Variants in TANC2 observed in about 807,000 individuals in gnomAD.
The protein encoded by TANC2 is protein TANC2.
Under a neutral mutation model 210.5 loss-of-function variants are expected in TANC2, and 26 were observed. The ratio of observed to expected loss-of-function variants is 0.12; its 90% CI spans 0.09 to 0.17. The LOEUF (loss-of-function observed/expected upper bound fraction) is 0.17, where lower values mean the gene tolerates loss of function less well. Ranked by LOEUF, TANC2 falls within the 10% of genes least tolerant of loss-of-function variation. TANC2 has a pLI of 1.00. For synonymous variants in TANC2, 931 were observed against 967.1 expected (o/e 0.96, Z 0.69); for missense variants, 2,129 against 2,608.9 (o/e 0.82, Z 4.01).
chr17:63,290,711 C>G (rs1427349128), intron 9 of TANC2, among the ~76,000 whole-genome samples: 2 of 152,016 alleles, frequency 1.3e-5, no homozygotes, highest in Non-Finnish European at 2.9e-5. Flanking sequence ...GAGGGTTAAT[C>G]TAGTGCCGCT....
chr17:63,421,328 C>T lies in TANC2; in HGVS notation c.5598C>T (p.Phe1866=). Residue 1866 remains phenylalanine (F), a synonymous_variant, in exon 28 of 28, where the codon TTC becomes TTT. Transcript: ENST00000689528. The surrounding 1 kb of genome is among the most constrained non-coding windows in gnomAD (Gnocchi z 6.9). ...ATTCCCAAAGTGTAGGCCTTCGCTTCTCTCCATCTAGCAATAGTATCTCCT... is the reference window on the plus strand; with the variant it reads ...ATTCCCAAAGTGTAGGCCTTCGCTTTTCTCCATCTAGCAATAGTATCTCCT... 1 of 1,614,054 alleles carries T rather than the reference C, an allele frequency of 6.2e-7. No homozygotes were observed. Among genetic ancestry groups the T allele is most frequent in the Non-Finnish European group, 8.5e-7 (1 of 1,179,906 alleles).
chr17:63,161,152 T>C (rs2040012000), intron 5 of TANC2, among the ~76,000 whole-genome samples: 1 of 152,076 alleles, frequency 6.6e-6, no homozygotes. Flanking sequence ...CATTGTGAAA[T>C]AAAATGTATA....
chr17:63,344,022 C>T (rs372586174), intron 12 of TANC2, among the ~76,000 whole-genome samples: 3 of 152,208 alleles, frequency 2.0e-5, no homozygotes, highest in South Asian at 2.1e-4. Context: ...GGTCCCCAAT[C>T]CCTGGGCCAA....
intron 8 of TANC2, among the ~76,000 whole-genome samples, chr17:63,239,392 T>TA (rs1289253409): frequency 6.6e-6 from 1 of 152,220 alleles, no homozygotes; most frequent in African/African-American, 2.4e-5. Context: ...TTGCTTCTCT[T>TA]ACTTTCCTCA....
At chr17:63,049,418 G>T (rs947391529) in intron 2 of TANC2, among the ~76,000 whole-genome samples, 2 of 152,138 alleles carry the variant, frequency 1.3e-5, no homozygotes, top group African/African-American at 2.4e-5. Context: ...AGGCATGATT[G>T]GGGGGACAGT....
intron 7 of TANC2, among the ~76,000 whole-genome samples, chr17:63,216,601 T>C (rs8074931): frequency 1.6e-4 from 25 of 152,178 alleles, no homozygotes; most frequent in African/African-American, 5.5e-4. Context: ...AGTAAGCCCT[T>C]AACCTGTGGA....
At chr17:62,972,299 A>G (rs75527012) in intron 1 of TANC2, among the ~76,000 whole-genome samples, 4,431 of 152,286 alleles carry the variant, frequency 0.029, 79 homozygotes, top group South Asian at 0.037. Flanking sequence ...TTGAATAGTT[A>G]AAGGTAAGCA....
At chr17:63,293,154 G>A (rs1209783435) in intron 9 of TANC2, among the ~76,000 whole-genome samples, 3 of 152,084 alleles carry the variant, frequency 2.0e-5, no homozygotes, top group African/African-American at 7.2e-5. Context: ...TCCTATTCCT[G>A]AGCACCAAGA....
chr17:63,369,655 G>A (rs1392336308), intron 14 of TANC2, among the ~76,000 whole-genome samples: 7 of 150,778 alleles, frequency 4.6e-5, no homozygotes, highest in Non-Finnish European at 1.5e-5. Flanking sequence ...CCAGGTTCAA[G>A]TGGTTCTCCT....
chr17:63,199,055 A>G (rs2041443005), intron 6 of TANC2, among the ~76,000 whole-genome samples: 1 of 152,202 alleles, frequency 6.6e-6, no homozygotes, highest in African/African-American at 2.4e-5. Context: ...TAGTATTTAA[A>G]TTAAAATCAA....
chr17:63,392,200 C>T (rs893423665), intron 17 of TANC2, among the ~76,000 whole-genome samples: 3 of 152,172 alleles, frequency 2.0e-5, no homozygotes, highest in Non-Finnish European at 4.4e-5. Context: ...AGTTCTCCTA[C>T]CTACATTTTG....
At position 63,245,669 on chromosome 17, in the gene TANC2, C is replaced by T. The variant is rs143186899; in HGVS notation, c.1033+7592C>T. 4.1e-3 allele frequency among the ~76,000 whole-genome samples: 624 copies of T among 151,910 alleles called. 5 individuals are homozygous for T. Among genetic ancestry groups the T allele is most frequent in the African/African-American group, 0.013 (540 of 41,410 alleles). The stretch of plus-strand genomic sequence containing the variant: ...CAGCCTGGCCAACATGGTGAAACTC[C>T]GTCTCTACTAAAAATACAAAAACTT... On this transcript the variant is annotated intron_variant, in intron 8 of 27. Transcript: ENST00000689528.
intron 9 of TANC2, among the ~76,000 whole-genome samples, chr17:63,297,692 G>T (rs1406940641): frequency 6.6e-6 from 1 of 151,986 alleles, no homozygotes; most frequent in South Asian, 2.1e-4. Flanking sequence ...AGGAACAGCA[G>T]TAACCAAAAA....
chr17:63,415,111 A>T (rs1268765891), intron 25 of TANC2, among the ~76,000 whole-genome samples: 1 of 152,244 alleles, frequency 6.6e-6, no homozygotes, highest in Non-Finnish European at 1.5e-5. Context: ...TCAGACCAAA[A>T]AAACAGTTCT....
intron 4 of TANC2, among the ~76,000 whole-genome samples, chr17:63,146,007 C>T (rs2145356194): frequency 6.6e-6 from 1 of 152,106 alleles, no homozygotes; most frequent in South Asian, 2.1e-4. Context: ...GGTGGTGTAC[C>T]ATCTTAATAT....
chr17:63,068,463 G>C (rs1169818563), intron 2 of TANC2, among the ~76,000 whole-genome samples: 1 of 151,984 alleles, frequency 6.6e-6, no homozygotes, highest in Non-Finnish European at 1.5e-5. Flanking sequence ...TGTGCACAAG[G>C]AGCTTATATA....
At chr17:63,033,194 G>A (rs564840190) in intron 2 of TANC2, among the ~76,000 whole-genome samples, 8 of 152,192 alleles carry the variant, frequency 5.3e-5, no homozygotes, top group Admixed American at 5.2e-4. Flanking sequence ...GAGTTTTTAT[G>A]GAAGCTTCAT....
chr17:63,119,761 T>C (rs991857213), intron 4 of TANC2, among the ~76,000 whole-genome samples: 1 of 152,322 alleles, frequency 6.6e-6, no homozygotes, highest in Non-Finnish European at 1.5e-5. Flanking sequence ...ACACCTGTAA[T>C]TCCAGCACTT....
chr17:63,327,308 G>T (rs1387948353), intron 11 of TANC2, among the ~76,000 whole-genome samples: 1 of 152,208 alleles, frequency 6.6e-6, no homozygotes, highest in African/African-American at 2.4e-5. Context: ...ATGGAAAACA[G>T]CATGGAGGTT....
Sources: allele counts gnomAD v4.1 joint callset (sites outside exome capture counted in the v4.1 genomes callset), GRCh38; gene constraint gnomAD v4.1.1; non-coding constraint Gnocchi (gnomAD v3.1); transcripts MANE v1.5; gene names NCBI Gene and HGNC (gene_info 2026-07-23, HGNC 2026-07-21).